RPRD1A: variants seen among roughly 807,000 people sequenced by gnomAD.
RPRD1A encodes the protein regulation of nuclear pre-mRNA domain-containing protein 1A.
In RPRD1A, 9 loss-of-function variants were observed where a neutral mutation model predicts 37.8. The ratio of observed to expected loss-of-function variants is 0.24; its 90% CI spans 0.14 to 0.42. The LOEUF (loss-of-function observed/expected upper bound fraction) is 0.42, where lower values mean the gene tolerates loss of function less well. RPRD1A is among the 10% of genes least tolerant of loss of function. The pLI is 1.00. For missense variants in RPRD1A, 255 were observed against 371.0 expected (o/e 0.69, Z 2.57); for synonymous variants, 138 against 139.7 (o/e 0.99, Z 0.08).
chr18:36,035,661 C>T (rs1912135828), intron 1 of RPRD1A, among the ~76,000 whole-genome samples: 1 of 152,184 alleles, frequency 6.6e-6, no homozygotes, highest in African/African-American at 2.4e-5. Flanking sequence ...ATGTTAGCAG[C>T]ATTATTCACA....
Position 36,066,642 on chromosome 18 carries a change from C to A in RPRD1A, c.151+612G>T, listed in dbSNP as rs187987503. Among the ~76,000 whole-genome samples, 609 of 152,320 alleles carry A rather than the reference C, an allele frequency of 4.0e-3. 3 individuals are homozygous for A. The highest frequency in any genetic ancestry group is 6.1e-3 in the Non-Finnish European group (414 of 68,020). On this transcript the variant is annotated intron_variant, in intron 1 of 6. Transcript: ENST00000399022. Reference sequence around the variant, plus strand: ...AAGACACTGCATTAGGGCATATAATCATAGAATAGGAAAGGACTTTAGGTG... The same window carrying A: ...AAGACACTGCATTAGGGCATATAATAATAGAATAGGAAAGGACTTTAGGTG...
chr18:36,038,175 G>T (rs1013586216), intron 1 of RPRD1A, among the ~76,000 whole-genome samples: 1 of 152,234 alleles, frequency 6.6e-6, no homozygotes, highest in Admixed American at 6.5e-5. Flanking sequence ...TGGGGAAAAC[G>T]TCTCCAGGGC....
intron 6 of RPRD1A, among the ~76,000 whole-genome samples, chr18:36,022,987 T>C (rs1911111391): frequency 6.6e-6 from 1 of 152,122 alleles, no homozygotes; most frequent in South Asian, 2.1e-4. Context: ...AAAATTACTA[T>C]TGACAACATA....
At chr18:36,024,783 A>C (rs1299287443) in intron 6 of RPRD1A, 1 of 152,226 alleles carries the variant, frequency 6.6e-6, no homozygotes, top group Non-Finnish European at 1.5e-5. Flanking sequence ...CTCAACTTCA[A>C]AGTGATGCCA....
intron 1 of RPRD1A, among the ~76,000 whole-genome samples, chr18:36,039,860 G>T (rs935072175): frequency 5.6e-5 from 5 of 89,698 alleles, no homozygotes; most frequent in African/African-American, 1.7e-4. Flanking sequence ...ACACACACAC[G>T]CATGCACACA....
intron 4 of RPRD1A, chr18:36,027,646 A>G (rs1911466969): frequency 5.1e-6 from 1 of 196,378 alleles, no homozygotes; most frequent in Admixed American, 5.3e-5. Context: ...GGTAGGCTAT[A>G]ACATCAACCT....
At chr18:36,003,405 C>T (rs1404328866) in intron 6 of RPRD1A, among the ~76,000 whole-genome samples, 1 of 152,176 alleles carries the variant, frequency 6.6e-6, no homozygotes, top group Non-Finnish European at 1.5e-5. Flanking sequence ...ATGCAATTAA[C>T]TTTGGAAAAT....
intron 1 of RPRD1A, among the ~76,000 whole-genome samples, chr18:36,052,483 T>G (rs187103791): frequency 2.0e-3 from 303 of 152,314 alleles, no homozygotes; most frequent in African/African-American, 7.1e-3. Context: ...ATAAAACATG[T>G]TTATCAAATG....
intron 6 of RPRD1A, among the ~76,000 whole-genome samples, chr18:36,017,769 T>G (rs541045282): frequency 3.2e-4 from 48 of 152,342 alleles, no homozygotes; most frequent in Non-Finnish European, 6.2e-4. Flanking sequence ...CAAAGGGCAA[T>G]AGAGTGTAAA....
chr18:35,995,337 C>T (rs1431592193), intron 6 of RPRD1A, among the ~76,000 whole-genome samples: 2 of 145,636 alleles, frequency 1.4e-5, no homozygotes, highest in East Asian at 4.1e-4. Flanking sequence ...TATCTCAGCT[C>T]ACCACAACCT....
chr18:36,058,244 C>T (rs933673843), intron 1 of RPRD1A, among the ~76,000 whole-genome samples: 12 of 152,034 alleles, frequency 7.9e-5, no homozygotes, highest in African/African-American at 2.7e-4. Flanking sequence ...GGTTTTGCCA[C>T]GTTACCCAGG....
At chr18:36,033,647 A>G in intron 2 of RPRD1A, 61 bp downstream of exon 2, 1 of 1,425,552 alleles carries the variant, frequency 7.0e-7, no homozygotes, top group Admixed American at 2.3e-5. Flanking sequence ...GGCAAATTTT[A>G]GCAAAAGGAC....
chr18:36,040,862 CACTCTAAAAGGAAGCAATTAACAAG>C, intron 1 of RPRD1A: 6 of 1,516,204 alleles, frequency 4.0e-6, no homozygotes, highest in Non-Finnish European at 5.3e-6. Flanking sequence ...GTTGCACCTC[CACTCTAAAAGGAAGCAATTAACAAG>C]AAAATATTTA....
In RPRD1A at chr18:35,990,408, T is replaced by C. The variant is rs1045488393; in HGVS notation, c.*2743A>G. The C allele has an allele frequency of 6.6e-6, 1 of 152,240 alleles. No individual in the cohort carries two copies. The allele number at this position is 152,240 out of a possible 1,614,324, so 9.4% of individuals were successfully genotyped here. ...TGAAAGATTTCTTATAGAAAAACCCTGATTCAGAGTGCATGTGATAGGAGA... is the reference window on the plus strand; with the variant it reads ...TGAAAGATTTCTTATAGAAAAACCCCGATTCAGAGTGCATGTGATAGGAGA... On this transcript the variant is annotated 3_prime_UTR_variant, in exon 7 of 7. Coordinates refer to ENST00000399022, the MANE Select transcript of RPRD1A (RefSeq NM_018170.5).
chr18:36,024,440 A>G (rs1174966331), intron 6 of RPRD1A, among the ~76,000 whole-genome samples: 2 of 151,468 alleles, frequency 1.3e-5, no homozygotes, highest in African/African-American at 4.9e-5. Context: ...ACAGGCGTGA[A>G]CCACCACACC....
chr18:36,001,770 T>C (rs1909432496), intron 6 of RPRD1A, among the ~76,000 whole-genome samples: 1 of 152,246 alleles, frequency 6.6e-6, no homozygotes, highest in South Asian at 2.1e-4. Context: ...TAACAGCTTA[T>C]GTACCGAATA....
At chr18:36,028,675 T>C (rs1161188346) in intron 4 of RPRD1A, among the ~76,000 whole-genome samples, 1 of 152,198 alleles carries the variant, frequency 6.6e-6, no homozygotes, top group Admixed American at 6.5e-5. Flanking sequence ...ATACTAAGCC[T>C]ACTACTTCCT....
At chr18:36,023,248 G>A (rs1399096266) in intron 6 of RPRD1A, among the ~76,000 whole-genome samples, 1 of 152,200 alleles carries the variant, frequency 6.6e-6, no homozygotes, top group Non-Finnish European at 1.5e-5. Flanking sequence ...ATTCATGGGA[G>A]GAGATAAAAT....
At chr18:36,029,946 C>T (rs1238258798) in intron 4 of RPRD1A, among the ~76,000 whole-genome samples, 1 of 151,812 alleles carries the variant, frequency 6.6e-6, no homozygotes, top group East Asian at 2.0e-4. Context: ...GCTGGGACTA[C>T]AGGCGCCCGC....
Sources: gnomAD v4.1 joint callset for allele counts (sites outside exome capture counted in the v4.1 genomes callset) on GRCh38, gnomAD v4.1.1 for gene constraint, MANE v1.5 for transcripts, NCBI Gene and HGNC (gene_info 2026-07-23, HGNC 2026-07-21) for gene names.